ERCC5: variants seen among roughly 807,000 people sequenced by gnomAD.
The protein encoded by ERCC5 is DNA excision repair protein ERCC-5.
Under a neutral mutation model 105.6 loss-of-function variants are expected in ERCC5, and 68 were observed. The ratio of observed to expected loss-of-function variants is 0.64; its 90% CI spans 0.53 to 0.79. The LOEUF is 0.79. Among genes scored for constraint, ERCC5 ranks in the 30% least tolerant of loss-of-function variants. ERCC5 has a pLI of 0.00. For synonymous variants in ERCC5, 546 were observed against 526.2 expected (o/e 1.04, Z -0.51); for missense variants, 1,373 against 1,426.7 (o/e 0.96, Z 0.61).
chr13:102,853,899 G>T, intron 3 of ERCC5, 27 bp downstream of exon 3: 1 of 1,605,230 alleles, frequency 6.2e-7, no homozygotes, highest in African/African-American at 1.3e-5. Flanking sequence ...AGTCGTGTTA[G>T]AGATGAAGTT....
chr13:102,861,438 G>A (rs763750055), intron 6 of ERCC5, 69 bp from the exon 7 acceptor site: 4 of 1,543,082 alleles, frequency 2.6e-6, no homozygotes, highest in Non-Finnish European at 3.6e-6. Flanking sequence ...TGGGGAAAGG[G>A]TGGAAATATG....
chr13:102,875,784 T>C lies in ERCC5; in HGVS notation c.3442T>C (p.Ser1148Pro), dbSNP rs1159296257. ...GAATGGAGGTGCGACCACCAGCAGC[T>C]CTAGTGATAGTGATGACGATGGAGG... Reference protein sequence around the residue: ...VKNGGATTSSSSDSDDDGGKE... With the variant: ...VKNGGATTSSPSDSDDDGGKE... The change falls in exon 15 of 15, where the codon TCT becomes CCT. Residue 1148 changes from serine (S) to proline (P), a missense_variant. Ser to Pro is a moderately conservative substitution (Grantham distance 74, BLOSUM62 -1). Coordinates refer to ENST00000652225, the MANE Select transcript of ERCC5 (RefSeq NM_000123.4). 1 of 1,614,012 alleles carries C rather than the reference T, an allele frequency of 6.2e-7. No individual in the cohort carries two copies. Among genetic ancestry groups the C allele is most frequent in the South Asian group, 1.1e-5 (1 of 91,062 alleles).
chr13:102,858,786 C>T (rs1435807025), intron 6 of ERCC5: 1 of 422,872 alleles, frequency 2.4e-6, no homozygotes, highest in African/African-American at 2.0e-5. Flanking sequence ...TAGATGCTTA[C>T]TGACTCAATT....
intron 11 of ERCC5, 127 bp downstream of exon 11, chr13:102,866,972 A>G: frequency 3.1e-6 from 3 of 970,190 alleles, no homozygotes; most frequent in South Asian, 3.1e-5. Context: ...AAATTTTTAT[A>G]TGAGTGATCT....
At chr13:102,855,331 C>A (rs771456800) in intron 4 of ERCC5, among the ~76,000 whole-genome samples, 10 of 152,030 alleles carry the variant, frequency 6.6e-5, no homozygotes, top group Non-Finnish European at 1.2e-4. Flanking sequence ...CTCACTGCAA[C>A]CCCTGCCTCC....
At chr13:102,855,716 C>T (rs1477586438) in intron 4 of ERCC5, among the ~76,000 whole-genome samples, 1 of 152,138 alleles carries the variant, frequency 6.6e-6, no homozygotes, top group Admixed American at 6.5e-5. Context: ...ATGAACCTTC[C>T]CGCTCCCTAC....
Position 102,858,315 on chromosome 13 carries a change from CT to C in ERCC5, c.570del (p.Glu191ArgfsTer10). The C allele has an allele frequency of 6.2e-7, 1 of 1,614,086 alleles. No homozygotes were observed. Among genetic ancestry groups the C allele is most frequent in the Non-Finnish European group, 8.5e-7 (1 of 1,180,004 alleles). The part of the protein sequence containing the change: ...FHNPQAIDIE[S>X]EDFSSLPPEV... ...AATCCTCAAGCGATAGATATTGAGT[CT>C]GAGGACTTCAGCAGCCTGCCCCCTG... On this transcript the variant is annotated frameshift_variant, in exon 6 of 15. Transcript: ENST00000652225. LOFTEE classifies it high-confidence loss of function.
chr13:102,851,094 C>T (rs1882183958), intron 1 of ERCC5, among the ~76,000 whole-genome samples: 1 of 152,100 alleles, frequency 6.6e-6, no homozygotes. Context: ...GACATAATAT[C>T]TACTTTAATA....
At chr13:102,871,892 C>G (rs1470823356) in intron 12 of ERCC5, among the ~76,000 whole-genome samples, 2 of 151,986 alleles carry the variant, frequency 1.3e-5, no homozygotes, top group Non-Finnish European at 2.9e-5. Flanking sequence ...AAATCTTGAG[C>G]CAGTTACTTA....
At chr13:102,864,999 A>T (rs1336371921) in intron 8 of ERCC5, 1 of 153,892 alleles carries the variant, frequency 6.5e-6, no homozygotes, top group Non-Finnish European at 1.4e-5. Context: ...TTCTCCCTGG[A>T]TATGTAACCA....
chr13:102,852,865 G>A (rs1030483066), intron 2 of ERCC5, among the ~76,000 whole-genome samples: 1 of 152,110 alleles, frequency 6.6e-6, no homozygotes, highest in Non-Finnish European at 1.5e-5. Flanking sequence ...GGGGGCAGGA[G>A]GATTGCTTGA....
intron 4 of ERCC5, among the ~76,000 whole-genome samples, chr13:102,855,440 G>A (rs1040534306): frequency 2.0e-5 from 3 of 151,904 alleles, no homozygotes; most frequent in South Asian, 2.1e-4. Flanking sequence ...TAGTAGAGAC[G>A]AGGTTTCACC....
intron 6 of ERCC5, among the ~76,000 whole-genome samples, chr13:102,859,383 T>G (rs371149375): frequency 1.3e-5 from 2 of 152,254 alleles, no homozygotes; most frequent in Non-Finnish European, 2.9e-5. Flanking sequence ...CCACAAAGAA[T>G]GTGCAGTAGC....
intron 3 of ERCC5, 135 bp from the exon 4 acceptor site, chr13:102,854,153 C>G: frequency 1.1e-6 from 1 of 949,540 alleles, no homozygotes; most frequent in Non-Finnish European, 1.7e-6. Flanking sequence ...GTGAGCAGCC[C>G]CGCCAAGGTT....
At chr13:102,869,291 C>T (rs563030622) in intron 12 of ERCC5, among the ~76,000 whole-genome samples, 1 of 151,910 alleles carries the variant, frequency 6.6e-6, no homozygotes, top group African/African-American at 2.4e-5. Flanking sequence ...AATTTATATA[C>T]CGGGAATGAG....
intron 6 of ERCC5, among the ~76,000 whole-genome samples, chr13:102,859,556 G>T (rs935132605): frequency 9.2e-5 from 14 of 152,210 alleles, no homozygotes; most frequent in Non-Finnish European, 4.4e-5. Flanking sequence ...TGAGGAAGTA[G>T]AATTTTGGTT....
intron 4 of ERCC5, 104 bp from the exon 5 acceptor site, chr13:102,855,948 A>G (rs1020197017): frequency 3.8e-5 from 44 of 1,148,644 alleles, no homozygotes; most frequent in African/African-American, 9.1e-5. Context: ...TTGCTGTTTT[A>G]TTCACCACTG....
intron 1 of ERCC5, chr13:102,849,195 GTATCTTT>G (rs1226131598): frequency 3.9e-6 from 2 of 518,984 alleles, no homozygotes; most frequent in Non-Finnish European, 7.7e-6. Context: ...CCTCTGAGAT[GTATCTTT>G]TATCCGATCT....
rs1448283108 is a variant in ERCC5, at chr13:102,862,439, A to G, written c.1290A>G (p.Glu430=). The change falls in exon 8 of 15, where the codon GAA becomes GAG. Residue 430 remains glutamate (E), a synonymous_variant. Coordinates refer to ENST00000652225, the MANE Select transcript of ERCC5 (RefSeq NM_000123.4). ...RINSSTENSD[E]GLKVRDGKGI... ...ACAGCTCCACCGAGAACAGTGATGAAGGACTTAAAGTGAGAGATGGAAAAG... is the reference window on the plus strand; with the variant it reads ...ACAGCTCCACCGAGAACAGTGATGAGGGACTTAAAGTGAGAGATGGAAAAG... 1 of 1,614,044 alleles carries G rather than the reference A, an allele frequency of 6.2e-7. No homozygotes were observed. Among genetic ancestry groups the G allele is most frequent in the East Asian group, 2.2e-5 (1 of 44,892 alleles).
Sources: allele counts gnomAD v4.1 joint callset (sites outside exome capture counted in the v4.1 genomes callset), GRCh38; gene constraint gnomAD v4.1.1; transcripts MANE v1.5; gene names NCBI Gene and HGNC (gene_info 2026-07-23, HGNC 2026-07-21).